The following PREX1 variants were observed in gnomAD, a reference collection of about 807,000 sequenced individuals.
PREX1 encodes phosphatidylinositol 3,4,5-trisphosphate-dependent Rac exchanger 1 protein.
PREX1 carries 41 observed loss-of-function variants against 198.3 expected under a neutral mutation model. That is an observed-to-expected ratio of 0.21 (90% confidence interval 0.16 to 0.27). The LOEUF (loss-of-function observed/expected upper bound fraction) is 0.27. Ranked by LOEUF, PREX1 falls within the 10% of genes least tolerant of loss-of-function variation. The probability of loss-of-function intolerance (pLI) is 1.00; values close to 1 mark genes in which losing one functional copy is unlikely to be tolerated. For missense variants in PREX1, 1,620 were observed against 2,200.7 expected (o/e 0.74, Z 5.28); for synonymous variants, 843 against 887.2 (o/e 0.95, Z 0.89).
At chr20:48,779,600 G>A (rs1231716702) in intron 1 of PREX1, among the ~76,000 whole-genome samples, 1 of 151,690 alleles carries the variant, frequency 6.6e-6, no homozygotes, top group Non-Finnish European at 1.5e-5. Context: ...CTGGAAACAA[G>A]CAATTCAACA....
the PREX1 span, among the ~76,000 whole-genome samples, chr20:48,844,421 A>T: frequency 6.6e-6 from 1 of 152,100 alleles, no homozygotes; most frequent in Non-Finnish European, 1.5e-5. Flanking sequence ...TGGCCACCAT[A>T]TGCTTCTGGA....
intron 5 of PREX1, among the ~76,000 whole-genome samples, chr20:48,709,547 G>A (rs950509500): frequency 2.6e-5 from 4 of 152,132 alleles, no homozygotes; most frequent in African/African-American, 9.7e-5. Context: ...CTGAGCCTTC[G>A]CCCCACGGTT....
intron 14 of PREX1, 88 bp downstream of exon 14, chr20:48,676,105 A>G (rs919036807): frequency 3.8e-5 from 51 of 1,330,586 alleles, no homozygotes; most frequent in Non-Finnish European, 4.6e-5. Context: ...ATTAAAAGCA[A>G]TAAGAAAAAA....
At chr20:48,781,468 C>A (rs2090289522) in intron 1 of PREX1, among the ~76,000 whole-genome samples, 2 of 152,206 alleles carry the variant, frequency 1.3e-5, no homozygotes, top group Non-Finnish European at 2.9e-5. Context: ...CACAACTACA[C>A]AAGGAATGTG....
intron 26 of PREX1, among the ~76,000 whole-genome samples, chr20:48,645,578 C>T (rs6063302): frequency 4.6e-5 from 7 of 152,312 alleles, no homozygotes; most frequent in East Asian, 3.9e-4. Context: ...CTGACAACAT[C>T]GTGTCAGCAT....
chr20:48,662,591 C>T (rs962874955), intron 15 of PREX1, among the ~76,000 whole-genome samples: 1 of 152,148 alleles, frequency 6.6e-6, no homozygotes, highest in Non-Finnish European at 1.5e-5. Flanking sequence ...GCAAGAGGGC[C>T]GGACCCCTGG....
intron 33 of PREX1, among the ~76,000 whole-genome samples, chr20:48,634,022 G>C (rs1483245215): frequency 7.6e-4 from 110 of 145,112 alleles, no homozygotes; most frequent in African/African-American, 2.6e-3. Context: ...CAGATGTTTG[G>C]ATGGATCGAT....
At chr20:48,865,559 C>A in the PREX1 span, among the ~76,000 whole-genome samples, 1 of 152,190 alleles carries the variant, frequency 6.6e-6, no homozygotes, top group African/African-American at 2.4e-5. Context: ...AAGAGGTGGG[C>A]AGGGGCTCTG....
chr20:48,806,311 G>T (rs2090411607), intron 1 of PREX1, among the ~76,000 whole-genome samples: 1 of 152,136 alleles, frequency 6.6e-6, no homozygotes, highest in African/African-American at 2.4e-5. Context: ...AAGGGACCTG[G>T]TTGCACAACT....
At chr20:48,656,575 T>TCCAAGGGCCC in intron 18 of PREX1, 2 of 456,644 alleles carry the variant, frequency 4.4e-6, no homozygotes, top group Non-Finnish European at 8.8e-6. Flanking sequence ...CCTGGAGCCC[T>TCCAAGGGCCC]CTTCCTCCAG....
intron 6 of PREX1, among the ~76,000 whole-genome samples, chr20:48,701,659 C>A (rs1346020965): frequency 6.6e-6 from 1 of 152,198 alleles, no homozygotes; most frequent in African/African-American, 2.4e-5. Context: ...TACGTATGCC[C>A]AGCACCCACA....
the PREX1 span, among the ~76,000 whole-genome samples, chr20:48,846,521 C>G: frequency 6.6e-6 from 1 of 152,234 alleles, no homozygotes; most frequent in African/African-American, 2.4e-5. Flanking sequence ...TGAAAACAGC[C>G]CGACCCTCCT....
the PREX1 span, among the ~76,000 whole-genome samples, chr20:48,873,801 G>A: frequency 2.6e-5 from 4 of 152,034 alleles, no homozygotes; most frequent in Admixed American, 6.6e-5. Context: ...CGGAAAATAC[G>A]TCACCATGCT....
intron 1 of PREX1, among the ~76,000 whole-genome samples, chr20:48,826,895 C>T (rs1251110712): frequency 6.6e-6 from 1 of 152,152 alleles, no homozygotes; most frequent in Admixed American, 6.6e-5. Context: ...GGGGGAAATA[C>T]TCGTCCCTAC....
At chr20:48,713,756 A>AG (rs892062389) in intron 5 of PREX1, among the ~76,000 whole-genome samples, 3 of 129,308 alleles carry the variant, frequency 2.3e-5, no homozygotes, top group Admixed American at 7.5e-5. Context: ...TTAAAAAAAA[A>AG]AAAGAGAGAG....
intron 14 of PREX1, among the ~76,000 whole-genome samples, chr20:48,674,302 G>A (rs2089694732): frequency 1.3e-5 from 2 of 152,206 alleles, no homozygotes; most frequent in South Asian, 4.1e-4. Context: ...ATTTGGTGCT[G>A]AAAAACATTC....
chr20:48,751,127 C>T (rs1001603402), intron 1 of PREX1, among the ~76,000 whole-genome samples: 1 of 152,218 alleles, frequency 6.6e-6, no homozygotes, highest in African/African-American at 2.4e-5. Flanking sequence ...GCGCCTGGCA[C>T]AGTGCCTGAC....
In PREX1 at chr20:48,695,414, G is replaced by A. The variant is rs8115648; in HGVS notation, c.918-2624C>T. 5.5e-3 allele frequency among the ~76,000 whole-genome samples: 839 copies of A among 152,310 alleles called. 10 individuals carry two copies. The highest frequency in any genetic ancestry group is 0.019 in the African/African-American group (805 of 41,560). ...CGTGCCTGACAAAGAACATGTGTGT[G>A]CATTTCTTTGGGTTAGATACCTGAG... On this transcript the variant is annotated intron_variant, in intron 7 of 39. Coordinates refer to ENST00000371941, the MANE Select transcript of PREX1 (RefSeq NM_020820.4).
chr20:48,863,583 T>C, the PREX1 span, among the ~76,000 whole-genome samples: 1 of 147,940 alleles, frequency 6.8e-6, no homozygotes, highest in Non-Finnish European at 1.5e-5. Flanking sequence ...CTTTTCATAT[T>C]GTCTTTTTTT....
Sources: gnomAD v4.1 joint callset for allele counts (sites outside exome capture counted in the v4.1 genomes callset) on GRCh38, gnomAD v4.1.1 for gene constraint, MANE v1.5 for transcripts, NCBI Gene and HGNC (gene_info 2026-07-23, HGNC 2026-07-21) for gene names.